PSMA1: variants seen among roughly 807,000 people sequenced by gnomAD.
PSMA1 encodes the protein proteasome 20S subunit alpha 1, also known as proteasome subunit alpha type-1.
In PSMA1, 3 loss-of-function variants were observed where a neutral mutation model predicts 38.4. That is an observed-to-expected ratio of 0.08 (90% CI 0.04 to 0.20). PSMA1 has a LOEUF of 0.20. Ranked by LOEUF, PSMA1 falls within the 10% of genes least tolerant of loss-of-function variation. The pLI is 1.00. For missense variants in PSMA1, 227 were observed against 325.3 expected (o/e 0.70, Z 2.32); for synonymous variants, 101 against 107.1 (o/e 0.94, Z 0.35).
At chr11:14,629,569 A>T (rs1852970848) in intron 1 of PSMA1, among the ~76,000 whole-genome samples, 2 of 152,254 alleles carry the variant, frequency 1.3e-5, no homozygotes, top group South Asian at 2.1e-4. Flanking sequence ...TGGTTAGTGT[A>T]GCCTTGTAGT....
intron 1 of PSMA1, 40 bp downstream of exon 1, chr11:14,520,257 G>A (rs2134152381): frequency 6.2e-7 from 1 of 1,613,858 alleles, no homozygotes; most frequent in East Asian, 2.2e-5. Context: ...AGTCACCAGA[G>A]CTCTGCCCTA....
chr11:14,578,274 T>G (rs534163140), intron 2 of PSMA1, among the ~76,000 whole-genome samples: 1 of 152,292 alleles, frequency 6.6e-6, no homozygotes, highest in South Asian at 2.1e-4. Context: ...TTAACCCTAT[T>G]GTTTGTTGTC....
chr11:14,520,047 T>A, intron 1 of PSMA1: 1 of 605,610 alleles, frequency 1.7e-6, no homozygotes, highest in Admixed American at 3.0e-5. Flanking sequence ...CGAACTCATC[T>A]AGCTGACCGA....
intron 2 of PSMA1, among the ~76,000 whole-genome samples, chr11:14,600,746 C>T (rs1053845184): frequency 4.6e-5 from 7 of 152,214 alleles, no homozygotes; most frequent in Non-Finnish European, 1.0e-4. Flanking sequence ...CTGTGGGCTG[C>T]ACCCACTGTT....
At chr11:14,578,888 C>T (rs1852250094) in intron 2 of PSMA1, among the ~76,000 whole-genome samples, 1 of 152,214 alleles carries the variant, frequency 6.6e-6, no homozygotes, top group African/African-American at 2.4e-5. Flanking sequence ...GAGTCCTATT[C>T]TCAAATAGAT....
chr11:14,639,928 T>C (rs1853176574), intron 1 of PSMA1, among the ~76,000 whole-genome samples: 1 of 152,190 alleles, frequency 6.6e-6, no homozygotes, highest in Non-Finnish European at 1.5e-5. Context: ...TGAGGATTAT[T>C]ACCTCTGTAT....
Position 14,585,223 on chromosome 11 carries a change from A to G in PSMA1, c.21+25743T>C, listed in dbSNP as rs185149834. On this transcript the variant is annotated intron_variant, in intron 2 of 10. Coordinates refer to the PSMA1 transcript ENST00000418988. ...CTTGTTCCTTTTCTGCTGACCCAGG[A>G]GTCCAAGGCTGCCAAAGGTATAACA... 2.6e-5 allele frequency among the ~76,000 whole-genome samples: 4 copies of G among 152,268 alleles called. No homozygotes were observed. In the East Asian group the frequency reaches 7.7e-4, roughly 29 times the overall value.
exon 2 of PSMA1, chr11:14,611,008 C>A: frequency 1.2e-6 from 2 of 1,611,066 alleles, no homozygotes; most frequent in Non-Finnish European, 1.7e-6. Context: ...GAGACAGTCA[C>A]CTAGTAGACC....
intron 9 of PSMA1, among the ~76,000 whole-genome samples, chr11:14,506,415 T>C (rs1294394422): frequency 1.3e-5 from 2 of 152,146 alleles, no homozygotes; most frequent in Non-Finnish European, 2.9e-5. Context: ...ACAGTTTAAA[T>C]ATTGCAAATC....
At chr11:14,561,498 T>G (rs575809208) in intron 2 of PSMA1, among the ~76,000 whole-genome samples, 1 of 152,344 alleles carries the variant, frequency 6.6e-6, no homozygotes, top group South Asian at 2.1e-4. Flanking sequence ...CAGTGACTAG[T>G]GTCACTGATT....
intron 2 of PSMA1, among the ~76,000 whole-genome samples, chr11:14,601,066 C>T (rs994478163): frequency 6.6e-6 from 1 of 152,174 alleles, no homozygotes; most frequent in African/African-American, 2.4e-5. Flanking sequence ...TTATGTCATG[C>T]ATTATTCCAT....
intron 2 of PSMA1, among the ~76,000 whole-genome samples, chr11:14,562,328 C>T (rs915720900): frequency 1.3e-5 from 2 of 152,166 alleles, no homozygotes; most frequent in African/African-American, 2.4e-5. Context: ...TTTTTTCCCC[C>T]TTGTACATGA....
chr11:14,572,414 ACTGAGTACATAACGAAATG>A (rs1175411102), intron 2 of PSMA1, among the ~76,000 whole-genome samples: 6 of 152,236 alleles, frequency 3.9e-5, no homozygotes, highest in Admixed American at 2.6e-4. Flanking sequence ...CTGAACGACT[ACTGAGTACATAACGAAATG>A]AAGGCAGAAA....
intron 2 of PSMA1, among the ~76,000 whole-genome samples, chr11:14,579,773 A>G (rs1237919708): frequency 6.6e-6 from 1 of 152,170 alleles, no homozygotes; most frequent in African/African-American, 2.4e-5. Flanking sequence ...TTAGAATTTC[A>G]GAGCAAGAGG....
intron 2 of PSMA1, among the ~76,000 whole-genome samples, chr11:14,544,431 A>T (rs1156980419): frequency 6.6e-6 from 1 of 152,206 alleles, no homozygotes; most frequent in Admixed American, 6.5e-5. Context: ...TACATCTGTT[A>T]AGGAATTATA....
chr11:14,629,713 T>C (rs1037169951), intron 1 of PSMA1, among the ~76,000 whole-genome samples: 2 of 152,090 alleles, frequency 1.3e-5, no homozygotes, highest in African/African-American at 4.8e-5. Flanking sequence ...AGAAAGTCAT[T>C]GGTAGCTTGA....
intron 2 of PSMA1, among the ~76,000 whole-genome samples, chr11:14,578,267 A>G (rs572116321): frequency 7.0e-4 from 106 of 152,188 alleles, no homozygotes; most frequent in Non-Finnish European, 7.4e-4. Flanking sequence ...GTCAAGTTTA[A>G]CCCTATTGTT....
intron 1 of PSMA1, among the ~76,000 whole-genome samples, chr11:14,614,006 G>A (rs908879435): frequency 2.0e-5 from 3 of 152,126 alleles, no homozygotes; most frequent in African/African-American, 7.2e-5. Context: ...TATGAGAAAA[G>A]AACTCTGCTT....
chr11:14,509,713 GT>G (rs34597306), intron 8 of PSMA1, among the ~76,000 whole-genome samples: 266 of 109,954 alleles, frequency 2.4e-3, no homozygotes, highest in African/African-American at 6.9e-3. Flanking sequence ...CAAACCGGTT[GT>G]TTTTTTTTTT....
Sources: allele counts gnomAD v4.1 joint callset (sites outside exome capture counted in the v4.1 genomes callset), GRCh38; gene constraint gnomAD v4.1.1; transcripts MANE v1.5; gene names NCBI Gene and HGNC (gene_info 2026-07-23, HGNC 2026-07-21).